The following CADPS variants were observed in gnomAD, a reference collection of about 807,000 sequenced individuals.
The protein encoded by CADPS is calcium-dependent secretion activator 1.
A neutral mutation model predicts 167.3 loss-of-function variants in CADPS; 57 were observed. The observed-to-expected ratio is 0.34, with a 90% CI of 0.28 to 0.42. The LOEUF (loss-of-function observed/expected upper bound fraction) is 0.42. CADPS is among the 20% of genes least tolerant of loss of function. The pLI, the probability that CADPS is intolerant of heterozygous loss-of-function variation, is 1.00. For missense variants in CADPS, 1,414 were observed against 1,738.1 expected (o/e 0.81, Z 3.32); for synonymous variants, 676 against 635.3 (o/e 1.06, Z -0.96).
chr3:62,648,691 C>CAAAAAAAAAAAAAAAAAAAAA lies in CADPS; in HGVS notation c.1203+2155_1203+2156insTTTTTTTTTTTTTTTTTTTTT, dbSNP rs55665003. Among the ~76,000 whole-genome samples the CAAAAAAAAAAAAAAAAAAAAA allele has an allele frequency of 1.8e-4, 10 of 54,550 alleles. 3 individuals carry two copies. Among genetic ancestry groups the CAAAAAAAAAAAAAAAAAAAAA allele is most frequent in the African/African-American group, 2.4e-4 (4 of 16,746 alleles). 35.8% of individuals were successfully genotyped at this position (54,550 alleles called of 152,430 possible). On this transcript the variant is annotated intron_variant, in intron 5 of 29. Transcript: ENST00000383710. ...TGGGCAACAGAGTGAGACGTTGTGT[C>CAAAAAAAAAAAAAAAAAAAAA]AAAAAAAAAAAAAAGAGGAAAGAAA... is the stretch of plus-strand genomic sequence containing the variant.
At chr3:62,503,501 C>T (rs778873129) in intron 17 of CADPS, among the ~76,000 whole-genome samples, 9 of 152,174 alleles carry the variant, frequency 5.9e-5, no homozygotes, top group Non-Finnish European at 1.0e-4. Flanking sequence ...AATTGCTTTG[C>T]AAAAGCAGAT....
chr3:62,696,238 T>A (rs1911183), intron 3 of CADPS, among the ~76,000 whole-genome samples: 83,113 of 151,916 alleles, frequency 0.55, 24,301 homozygotes, highest in East Asian at 0.89. Context: ...TTCTGCCAAT[T>A]AGTGATGCTA....
chr3:62,762,025 C>T (rs1041385625), intron 2 of CADPS, among the ~76,000 whole-genome samples: 2 of 152,230 alleles, frequency 1.3e-5, no homozygotes, highest in East Asian at 1.9e-4. Context: ...CATCCCCACT[C>T]ATGGCCCAGG....
intron 17 of CADPS, chr3:62,499,592 A>G (rs1390090104): frequency 5.8e-6 from 1 of 172,062 alleles, no homozygotes; most frequent in Non-Finnish European, 1.3e-5. Flanking sequence ...GTACTATACC[A>G]CTCTCTAGAT....
chr3:62,552,420 G>T (rs2077462950), intron 10 of CADPS, among the ~76,000 whole-genome samples: 1 of 152,060 alleles, frequency 6.6e-6, no homozygotes, highest in African/African-American at 2.4e-5. Flanking sequence ...CTTCTCTTTG[G>T]GTTCAGGCCA....
intron 3 of CADPS, among the ~76,000 whole-genome samples, chr3:62,733,006 T>C (rs2078228342): frequency 6.6e-6 from 1 of 152,242 alleles, no homozygotes; most frequent in Non-Finnish European, 1.5e-5. Context: ...TTTTCTCTTA[T>C]GCTCCCTGAT....
intron 3 of CADPS, among the ~76,000 whole-genome samples, chr3:62,710,456 C>G (rs2083184410): frequency 6.6e-6 from 1 of 152,106 alleles, no homozygotes; most frequent in East Asian, 1.9e-4. Context: ...CTCCATGCTT[C>G]ACGTTCCTCA....
At chr3:62,739,870 T>G (rs989483112) in intron 3 of CADPS, among the ~76,000 whole-genome samples, 1 of 152,110 alleles carries the variant, frequency 6.6e-6, no homozygotes, top group African/African-American at 2.4e-5. Flanking sequence ...TAAAGAGAGG[T>G]TGGTAGTTAA....
chr3:62,659,279 ATTTG>A (rs1291691726), intron 4 of CADPS, among the ~76,000 whole-genome samples: 2 of 152,162 alleles, frequency 1.3e-5, no homozygotes, highest in African/African-American at 4.8e-5. Flanking sequence ...AGCAGAGGTG[ATTTG>A]TCTTAATATC....
At chr3:62,803,335 T>G (rs753069603) in intron 1 of CADPS, among the ~76,000 whole-genome samples, 1 of 26,628 alleles carries the variant, frequency 3.8e-5, no homozygotes, top group Admixed American at 6.8e-4. Flanking sequence ...ATGCTTCCTT[T>G]TTTTTTTTTT....
In CADPS at chr3:62,802,075, C is replaced by T. The variant is rs535239014; in HGVS notation, c.442-36091G>A. Among the ~76,000 whole-genome samples the T allele has an allele frequency of 6.6e-5, 10 of 152,250 alleles. No individual in the cohort carries two copies. In the South Asian group the frequency reaches 1.7e-3, roughly 25 times the overall value. ...CTTTGCCTCCCAAAGCTGACCTACA[C>T]AGCAAAAGTCTGTTCTGTGTAAGCA... On this transcript the variant is annotated intron_variant, in intron 1 of 29. Transcript: ENST00000383710.
intron 1 of CADPS, among the ~76,000 whole-genome samples, chr3:62,836,268 ACCC>A (rs2075874874): frequency 6.6e-6 from 1 of 152,144 alleles, no homozygotes; most frequent in South Asian, 2.1e-4. Flanking sequence ...ACTAATCCAG[ACCC>A]AAATAAACAA....
At chr3:62,740,386 C>T (rs2659463) in intron 3 of CADPS, among the ~76,000 whole-genome samples, 60,642 of 151,988 alleles carry the variant, frequency 0.4, 12,555 homozygotes, top group African/African-American at 0.48. Context: ...GAGAAGCTCA[C>T]TTAATGCCCC....
In CADPS at chr3:62,544,425, A is replaced by AAACAACAAC. The variant is rs146758720; in HGVS notation, c.1966+5469_1966+5477dup. Among the ~76,000 whole-genome samples, 1 of 151,750 alleles carries AAACAACAAC rather than the reference A, an allele frequency of 6.6e-6. No individual in the cohort carries two copies. The highest frequency in any genetic ancestry group is 1.5e-5 in the Non-Finnish European group (1 of 67,954). ...TCGAATCTTTGGAATGGGAAAGGAAAAACAACAACAACAACAACAACAACA... is the reference window on the plus strand; with the variant it reads ...TCGAATCTTTGGAATGGGAAAGGAAAAACAACAACAACAACAACAACAACAACAACAACA... On this transcript the variant is annotated intron_variant, in intron 11 of 29. Coordinates refer to ENST00000383710, the MANE Select transcript of CADPS (RefSeq NM_003716.4). This position sits in a 1 kb window ranked among gnomAD's most constrained non-coding sequence, Gnocchi z 4.4.
chr3:62,838,057 TC>T (rs1180646186), intron 1 of CADPS, among the ~76,000 whole-genome samples: 1 of 152,178 alleles, frequency 6.6e-6, no homozygotes, highest in Non-Finnish European at 1.5e-5. Flanking sequence ...AGGCAAGAAA[TC>T]CATCCATACG....
chr3:62,432,915 C>T (rs1445858768), intron 28 of CADPS, among the ~76,000 whole-genome samples: 1 of 152,088 alleles, frequency 6.6e-6, no homozygotes, highest in African/African-American at 2.4e-5. Context: ...GTCTAGAATG[C>T]CATATGCCTT....
At chr3:62,683,306 A>C (rs1475360140) in intron 3 of CADPS, among the ~76,000 whole-genome samples, 8 of 152,032 alleles carry the variant, frequency 5.3e-5, no homozygotes, top group Admixed American at 3.3e-4. Context: ...GATGGATTGG[A>C]AGGGTTAAGG....
intron 3 of CADPS, among the ~76,000 whole-genome samples, chr3:62,695,562 G>A (rs980829438): frequency 5.9e-5 from 9 of 152,054 alleles, no homozygotes; most frequent in Non-Finnish European, 1.5e-5. Flanking sequence ...TTTCAGCTAT[G>A]ATACATAACA....
At chr3:62,635,492 A>G (rs567521147) in intron 6 of CADPS, among the ~76,000 whole-genome samples, 1 of 152,282 alleles carries the variant, frequency 6.6e-6, no homozygotes, top group East Asian at 1.9e-4. Context: ...CTAAAAGTCA[A>G]ATTTACAGAG....
Sources: allele counts gnomAD v4.1 joint callset (sites outside exome capture counted in the v4.1 genomes callset), GRCh38; gene constraint gnomAD v4.1.1; non-coding constraint Gnocchi (gnomAD v3.1); transcripts MANE v1.5; gene names NCBI Gene and HGNC (gene_info 2026-07-23, HGNC 2026-07-21).